Variants in DENND5B observed in about 807,000 individuals in gnomAD.
DENND5B encodes DENN domain containing 5B, also known as DENN domain-containing protein 5B.
A neutral mutation model predicts 140.6 loss-of-function variants in DENND5B; 34 were observed. That is an observed-to-expected ratio of 0.24 (90% CI 0.18 to 0.32). The LOEUF is 0.32. Among genes scored for constraint, DENND5B ranks in the 10% least tolerant of loss-of-function variants. DENND5B has a pLI of 1.00. For missense variants in DENND5B, 1,142 were observed against 1,560.2 expected (o/e 0.73, Z 4.52); for synonymous variants, 551 against 562.1 (o/e 0.98, Z 0.28).
rs557239303 is a variant in DENND5B, at chr12:31,480,304, T to G, written c.238-49A>C. On this transcript the variant is annotated intron_variant, in intron 2 of 20. Coordinates refer to ENST00000389082, the MANE Select transcript of DENND5B (RefSeq NM_144973.4). ...ATCAGAATGCAGTACACAAATAACT[T>G]CAAGCCAGAAATAAATGTTGTTTTT... 1.9e-5 allele frequency: 27 copies of G among 1,398,384 alleles called. No individual in the cohort carries two copies. The African/African-American group carries it at 3.7e-4, about 19-fold the overall frequency. 86.6% of individuals were successfully genotyped at this position (1,398,384 alleles called of 1,614,324 possible).
chr12:31,449,858 G>A (rs1944437765), intron 5 of DENND5B, among the ~76,000 whole-genome samples: 1 of 150,258 alleles, frequency 6.7e-6, no homozygotes, highest in Non-Finnish European at 1.5e-5. Flanking sequence ...AGCCTCCCAA[G>A]TAGCTGGGAC....
At chr12:31,550,127 A>T (rs981565709) in intron 1 of DENND5B, among the ~76,000 whole-genome samples, 2 of 151,302 alleles carry the variant, frequency 1.3e-5, no homozygotes, top group African/African-American at 4.9e-5. Context: ...AGTTTCTTAC[A>T]TATGTATACA....
rs191725613 is a variant in DENND5B, at chr12:31,513,180, G to A, written c.128-17261C>T. 7.9e-5 allele frequency among the ~76,000 whole-genome samples: 12 copies of A among 152,308 alleles called. No individual in the cohort carries two copies. The East Asian group carries it at 2.3e-3, about 29-fold the overall frequency. On this transcript the variant is annotated intron_variant, in intron 1 of 20. Coordinates refer to ENST00000389082, the MANE Select transcript of DENND5B (RefSeq NM_144973.4). ...ATTATACTGAGTTTATAGGTTTGGG[G>A]AAGACCACACAGGTAAAGTGCCATT...
At chr12:31,398,403 T>A in intron 16 of DENND5B, 41 bp from the exon 17 acceptor site, 1 of 1,511,228 alleles carries the variant, frequency 6.6e-7, no homozygotes, top group Non-Finnish European at 8.8e-7. Flanking sequence ...TTTATTTTTT[T>A]GAGACAGGGT....
intron 11 of DENND5B, among the ~76,000 whole-genome samples, chr12:31,420,792 A>G (rs1387521375): frequency 6.6e-6 from 1 of 152,160 alleles, no homozygotes; most frequent in African/African-American, 2.4e-5. Flanking sequence ...TGTCAAGAAC[A>G]GTCTTTGTTC....
intron 1 of DENND5B, among the ~76,000 whole-genome samples, chr12:31,539,784 G>GA (rs893163124): frequency 1.1e-3 from 159 of 144,390 alleles, no homozygotes; most frequent in African/African-American, 2.6e-3. Context: ...TACTGATGAG[G>GA]AAAAAAAAAA....
At chr12:31,570,967 A>G (rs1437305100) in intron 1 of DENND5B, among the ~76,000 whole-genome samples, 2 of 152,112 alleles carry the variant, frequency 1.3e-5, no homozygotes, top group African/African-American at 4.8e-5. Context: ...TAATAAGACA[A>G]TCAAAAGATT....
At chr12:31,447,284 AAAC>A (rs1944316070) in intron 6 of DENND5B, among the ~76,000 whole-genome samples, 1 of 152,030 alleles carries the variant, frequency 6.6e-6, no homozygotes, top group Non-Finnish European at 1.5e-5. Context: ...ACAAAAACAA[AAAC>A]AAAAATCATA....
intron 6 of DENND5B, among the ~76,000 whole-genome samples, chr12:31,446,990 G>C (rs1944305314): frequency 6.6e-6 from 1 of 151,892 alleles, no homozygotes; most frequent in Non-Finnish European, 1.5e-5. Context: ...ACAAAAGTCA[G>C]GCTGGACATG....
At chr12:31,446,039 G>A (rs1477074525) in intron 6 of DENND5B, among the ~76,000 whole-genome samples, 2 of 151,824 alleles carry the variant, frequency 1.3e-5, no homozygotes, top group East Asian at 3.9e-4. Flanking sequence ...GTGAACACCT[G>A]GCATGATGAC....
At chr12:31,541,887 T>C (rs1361919768) in intron 1 of DENND5B, among the ~76,000 whole-genome samples, 1 of 152,182 alleles carries the variant, frequency 6.6e-6, no homozygotes, top group Non-Finnish European at 1.5e-5. Context: ...TGAGATCCTG[T>C]TGTCTGCAAC....
chr12:31,472,072 G>A (rs1458223790), intron 3 of DENND5B, among the ~76,000 whole-genome samples: 1 of 152,244 alleles, frequency 6.6e-6, no homozygotes, highest in Middle Eastern at 3.4e-3. Context: ...CAAATGCTGC[G>A]GTTAGGGAGG....
At chr12:31,535,828 G>A (rs912870641) in intron 1 of DENND5B, among the ~76,000 whole-genome samples, 1 of 152,198 alleles carries the variant, frequency 6.6e-6, no homozygotes, top group Admixed American at 6.5e-5. Flanking sequence ...CAATCTTGGA[G>A]AAACAGAGAT....
chr12:31,521,384 TC>T (rs1199115397), intron 1 of DENND5B, among the ~76,000 whole-genome samples: 1 of 151,872 alleles, frequency 6.6e-6, no homozygotes, highest in East Asian at 1.9e-4. Context: ...ACTCCCGGGT[TC>T]AAGTGATCCA....
intron 3 of DENND5B, among the ~76,000 whole-genome samples, chr12:31,475,430 T>TA (rs1239328743): frequency 2.0e-5 from 3 of 152,164 alleles, no homozygotes; most frequent in Non-Finnish European, 4.4e-5. Flanking sequence ...ATTAATGAGC[T>TA]AAAACTCCTG....
chr12:31,475,770 A>T (rs1945777695), intron 3 of DENND5B, among the ~76,000 whole-genome samples: 1 of 151,894 alleles, frequency 6.6e-6, no homozygotes, highest in Non-Finnish European at 1.5e-5. Flanking sequence ...ACAAAAAAAG[A>T]GCAGAAATAG....
chr12:31,413,505 C>T lies in DENND5B; in HGVS notation c.2612G>A (p.Arg871Lys). The change falls in exon 13 of 21, where the codon AGA (arginine) becomes AAA (lysine). Residue 871 changes from arginine to lysine, a missense_variant. This residue lies in a region of DENND5B where 268 missense variants were observed against 349.2 expected (regional missense o/e 0.77). Transcript: ENST00000389082. ...CAAGAGCTTCTTTTCTAGAGACAGT[C>T]TTATCCACGCCCGAGCTCGTCCAAC... ...TDVGRARAWI[R>K]LSLEKKLLSQ... 1.2e-6 allele frequency: 2 copies of T among 1,613,864 alleles called. No individual in the cohort carries two copies. The highest frequency in any genetic ancestry group is 1.7e-6 in the Non-Finnish European group (2 of 1,179,828).
intron 1 of DENND5B, among the ~76,000 whole-genome samples, chr12:31,583,257 G>A (rs1308523461): frequency 2.7e-5 from 4 of 149,694 alleles, no homozygotes; most frequent in South Asian, 2.1e-4. Flanking sequence ...GCGCCACTGC[G>A]CTCCAGCCTG....
In DENND5B at chr12:31,384,818, G is replaced by A. The variant is rs1322244203; in HGVS notation, c.*2785C>T. 6.6e-6 allele frequency: 1 copy of A among 151,380 alleles called. No homozygotes were observed. Among genetic ancestry groups the A allele is most frequent in the Non-Finnish European group, 1.5e-5 (1 of 67,948 alleles). 9.4% of individuals were successfully genotyped at this position (151,380 alleles called of 1,614,324 possible). On this transcript the variant is annotated 3_prime_UTR_variant, in exon 21 of 21. Transcript: ENST00000389082. ...TCTCGCTCTTGTCACCCAGGTTGGA[G>A]TGCAGTGGCACAATCTCGGCTCACT...
Sources: gnomAD v4.1 joint callset for allele counts (sites outside exome capture counted in the v4.1 genomes callset) on GRCh38, gnomAD v4.1.1 for gene constraint, gnomAD v4.1.1 regional missense constraint, MANE v1.5 for transcripts, NCBI Gene and HGNC (gene_info 2026-07-23, HGNC 2026-07-21) for gene names.